MYZAP: variants seen among roughly 807,000 people sequenced by gnomAD.
The protein encoded by MYZAP is myocardial zonula adherens protein.
Under a neutral mutation model 69.4 loss-of-function variants are expected in MYZAP, and 66 were observed. The ratio of observed to expected loss-of-function variants is 0.95; its 90% CI spans 0.78 to 1.17. The LOEUF is 1.17. Among genes scored for constraint, MYZAP ranks in the 50% most tolerant of loss-of-function variants. The pLI is 0.00. For missense variants in MYZAP, 611 were observed against 556.2 expected, an observed-to-expected ratio of 1.10 and a Z score of -0.99; for synonymous variants, 256 against 205.9, an observed-to-expected ratio of 1.24 and a Z score of -2.09.
At position 57,655,154 on chromosome 15, in the gene MYZAP, A is replaced by G. The variant is rs541100068; in HGVS notation, c.1120-6296A>G. Reference sequence around the variant, plus strand: ...CAAAGGCAGCCTGGAGGACTTGGAAAGCGCTGGCCTAGGTGACTGTGGGTA... The same window carrying G: ...CAAAGGCAGCCTGGAGGACTTGGAAGGCGCTGGCCTAGGTGACTGTGGGTA... On this transcript the variant is annotated intron_variant, in intron 10 of 12. Transcript: ENST00000267853. Among the ~76,000 whole-genome samples the G allele has an allele frequency of 7.9e-5, 12 of 152,240 alleles. No individual in the cohort carries two copies. The East Asian group carries it at 2.3e-3, about 29-fold the overall frequency.
chr15:57,641,519 C>T (rs1251956234), intron 10 of MYZAP, among the ~76,000 whole-genome samples: 1 of 152,122 alleles, frequency 6.6e-6, no homozygotes, highest in East Asian at 1.9e-4. Flanking sequence ...CTTCTCTAAG[C>T]TTTGATGTGG....
rs369449278 is a variant in MYZAP at position 57,684,598 on chromosome 15, G to T, written c.*100G>T. On this transcript the variant is annotated 3_prime_UTR_variant, in exon 13 of 13. Coordinates refer to ENST00000267853, the MANE Select transcript of MYZAP (RefSeq NM_001018100.5). ...GTGACTGTTGTTTCCCCTACACACA[G>T]TGTAAGCCGGAATGGGAATCGCTGA... The T allele has an allele frequency of 1.9e-4, 138 of 741,022 alleles. No individual in the cohort carries two copies. In the African/African-American group the frequency reaches 2.0e-3, roughly 10 times the overall value. The allele number at this position is 741,022 out of a possible 1,614,324, so 45.9% of individuals were successfully genotyped here.
chr15:57,651,396 CAT>C (rs1368443268), intron 10 of MYZAP, among the ~76,000 whole-genome samples: 1 of 152,084 alleles, frequency 6.6e-6, no homozygotes, highest in African/African-American at 2.4e-5. Context: ...CCTCTTGAAT[CAT>C]AGAGGGAAAA....
chr15:57,607,525 G>A lies in MYZAP; in HGVS notation c.162+3170G>A, dbSNP rs150870139. Reference sequence around the variant, plus strand: ...CAAACCAAGCAAAAGTGGTACTAACGGGGGCCCAAGTCCTCCCAGTCTCCC... The same window carrying A: ...CAAACCAAGCAAAAGTGGTACTAACAGGGGCCCAAGTCCTCCCAGTCTCCC... On this transcript the variant is annotated intron_variant, in intron 2 of 12. Transcript: ENST00000267853. 4.3e-4 allele frequency among the ~76,000 whole-genome samples: 66 copies of A among 152,114 alleles called. No individual in the cohort carries two copies. The East Asian group carries it at 8.3e-3, about 19-fold the overall frequency.
intron 2 of MYZAP, among the ~76,000 whole-genome samples, chr15:57,604,847 A>G (rs2034647129): frequency 6.6e-6 from 1 of 152,138 alleles, no homozygotes; most frequent in Non-Finnish European, 1.5e-5. Context: ...TTCGGCAAAC[A>G]TTTTTGTGAC....
intron 10 of MYZAP, among the ~76,000 whole-genome samples, chr15:57,649,313 C>T (rs896136094): frequency 6.6e-6 from 1 of 152,196 alleles, no homozygotes; most frequent in African/African-American, 2.4e-5. Context: ...TACCTTTCCA[C>T]CAGTCACATG....
intron 3 of MYZAP, among the ~76,000 whole-genome samples, chr15:57,621,205 C>CTTT (rs61201214): frequency 0.028 from 3,506 of 127,234 alleles, 138 homozygotes; most frequent in African/African-American, 0.082. Context: ...CTTTCTTTTT[C>CTTT]TTTTTTTTTT....
chr15:57,644,246 G>A lies in MYZAP; in HGVS notation c.1119+4701G>A, dbSNP rs185559250. Among the ~76,000 whole-genome samples the A allele has an allele frequency of 2.5e-3, 385 of 152,282 alleles. 2 individuals are homozygous for A. The highest frequency in any genetic ancestry group is 8.7e-3 in the African/African-American group (363 of 41,566). ...GCCAGCATCCCTCAGAAGCTCCTATGCCTGAGGTGGGAAGCTGCTGGTGAA... is the reference window on the plus strand; with the variant it reads ...GCCAGCATCCCTCAGAAGCTCCTATACCTGAGGTGGGAAGCTGCTGGTGAA... On this transcript the variant is annotated intron_variant, in intron 10 of 12. Coordinates refer to ENST00000267853, the MANE Select transcript of MYZAP (RefSeq NM_001018100.5).
intron 2 of MYZAP, among the ~76,000 whole-genome samples, chr15:57,613,134 G>A (rs139834730): frequency 0.028 from 4,188 of 151,848 alleles, 203 homozygotes; most frequent in African/African-American, 0.096. Flanking sequence ...GGGTTTCACC[G>A]TGTTAGCCAG....
intron 4 of MYZAP, among the ~76,000 whole-genome samples, chr15:57,623,797 T>A (rs1477795003): frequency 7.5e-6 from 1 of 132,862 alleles, no homozygotes. Context: ...TATGCAGTTG[T>A]AAATTAAAAA....
At chr15:57,598,598 A>G (rs1403694446) in intron 1 of MYZAP, among the ~76,000 whole-genome samples, 2 of 152,178 alleles carry the variant, frequency 1.3e-5, no homozygotes, top group Non-Finnish European at 2.9e-5. Context: ...AAAAATGACC[A>G]GTTGGATTAT....
intron 11 of MYZAP, among the ~76,000 whole-genome samples, chr15:57,668,623 G>A (rs2038709967): frequency 6.6e-6 from 1 of 152,126 alleles, no homozygotes; most frequent in Admixed American, 6.5e-5. Flanking sequence ...GTCAACTGGT[G>A]ATGCTGAGCA....
chr15:57,616,000 C>A (rs2220806), intron 2 of MYZAP, among the ~76,000 whole-genome samples: 134,611 of 152,244 alleles, frequency 0.88, 59,746 homozygotes, highest in South Asian at 0.93. Context: ...GTATAAAGAA[C>A]AAGGCAAAAG....
intron 3 of MYZAP, among the ~76,000 whole-genome samples, chr15:57,618,609 A>G (rs1459875150): frequency 6.6e-6 from 1 of 152,214 alleles, no homozygotes; most frequent in African/African-American, 2.4e-5. Flanking sequence ...ACTTTGTCCA[A>G]CCAAGCCAAT....
chr15:57,646,446 T>C, intron 10 of MYZAP: 1 of 1,053,676 alleles, frequency 9.5e-7, no homozygotes, highest in Non-Finnish European at 1.1e-6. Context: ...ACAGAGTATT[T>C]TTAGGAACTT....
intron 12 of MYZAP, chr15:57,680,844 A>G (rs1250636883): frequency 2.6e-5 from 4 of 152,224 alleles, no homozygotes; most frequent in East Asian, 1.9e-4. Context: ...AGACCAGAAC[A>G]CAAAGTAGCT....
chr15:57,676,155 A>G (rs1190681113), intron 12 of MYZAP, among the ~76,000 whole-genome samples: 1 of 152,060 alleles, frequency 6.6e-6, no homozygotes, highest in Non-Finnish European at 1.5e-5. Context: ...TTGACTAGGT[A>G]ACTGCTCAGG....
intron 10 of MYZAP, among the ~76,000 whole-genome samples, chr15:57,645,302 T>C (rs1467480879): frequency 2.0e-5 from 3 of 152,182 alleles, no homozygotes; most frequent in Non-Finnish European, 4.4e-5. Flanking sequence ...GAATAACAGA[T>C]GAGTAAGAAC....
rs766409901 is a variant in MYZAP, at chr15:57,682,234, A to AAG, written c.1305-2155_1305-2154dup. 1.1e-4 allele frequency among the ~76,000 whole-genome samples: 16 copies of AAG among 151,702 alleles called. No individual in the cohort carries two copies. The East Asian group carries it at 2.1e-3, about 20-fold the overall frequency. ...CACTTGTATGCTCTACATAAAAGGG[A>AAG]AGAGAGAGAGAGAGCGTGGGGGATT... On this transcript the variant is annotated intron_variant, in intron 12 of 12. Coordinates refer to ENST00000267853, the MANE Select transcript of MYZAP (RefSeq NM_001018100.5).
Sources: gnomAD v4.1 joint callset for allele counts (sites outside exome capture counted in the v4.1 genomes callset) on GRCh38, gnomAD v4.1.1 for gene constraint, MANE v1.5 for transcripts, NCBI Gene and HGNC (gene_info 2026-07-23, HGNC 2026-07-21) for gene names.